The following FSTL5 variants were observed in gnomAD, a reference collection of about 807,000 sequenced individuals.
FSTL5 encodes follistatin-related protein 5.
Under a neutral mutation model 89.1 loss-of-function variants are expected in FSTL5, and 62 were observed. The ratio of observed to expected loss-of-function variants is 0.70; its 90% CI spans 0.57 to 0.86. FSTL5 has a LOEUF of 0.86. FSTL5 is among the 40% of genes least tolerant of loss of function. FSTL5 has a pLI of 0.00. For missense variants in FSTL5, 1,057 were observed against 1,001.6 expected (o/e 1.06, Z -0.75); for synonymous variants, 383 against 346.2 (o/e 1.11, Z -1.18).
chr4:162,037,996 A>C (rs1178976112), intron 2 of FSTL5, among the ~76,000 whole-genome samples: 2 of 151,980 alleles, frequency 1.3e-5, no homozygotes, highest in African/African-American at 4.8e-5. Flanking sequence ...GTGATTATTT[A>C]ACTATGTGAG....
chr4:161,402,943 G>A (rs4691757), intron 15 of FSTL5, among the ~76,000 whole-genome samples: 27 of 151,328 alleles, frequency 1.8e-4, no homozygotes, highest in African/African-American at 6.3e-4. Flanking sequence ...TGCCTCAGCC[G>A]CCCGAGTAGC....
intron 1 of FSTL5, among the ~76,000 whole-genome samples, chr4:162,158,023 A>G (rs1257162777): frequency 6.6e-6 from 1 of 152,132 alleles, no homozygotes; most frequent in Non-Finnish European, 1.5e-5. Flanking sequence ...CTGTGCCTCA[A>G]AGCTAATCAT....
chr4:161,433,349 T>G (rs1732447931), intron 15 of FSTL5, among the ~76,000 whole-genome samples: 1 of 151,944 alleles, frequency 6.6e-6, no homozygotes, highest in Non-Finnish European at 1.5e-5. Flanking sequence ...TTTGATAAAA[T>G]TCAATATCCC....
At chr4:161,993,446 C>T (rs2111084752) in intron 3 of FSTL5, among the ~76,000 whole-genome samples, 1 of 137,928 alleles carries the variant, frequency 7.3e-6, no homozygotes, top group Non-Finnish European at 1.7e-5. Context: ...ATGATTTTTA[C>T]TTTTGTATGA....
rs141944008 is a variant in FSTL5, at chr4:161,864,305, C to T, written c.409+56099G>A. ...GGCTTTGGGGTCAGGTGGATCAGGG[C>T]TTGAATCGCATCCCTGATTCTTAAA... On this transcript the variant is annotated intron_variant, in intron 4 of 15. Transcript: ENST00000306100. Among the ~76,000 whole-genome samples the T allele has an allele frequency of 2.9e-3, 444 of 152,166 alleles. 2 individuals are homozygous for T. Among genetic ancestry groups the T allele is most frequent in the African/African-American group, 0.01 (423 of 41,524 alleles).
chr4:161,468,375 A>C (rs182683414), intron 13 of FSTL5, among the ~76,000 whole-genome samples: 3 of 152,176 alleles, frequency 2.0e-5, no homozygotes, highest in African/African-American at 7.2e-5. Context: ...GAATGTATCA[A>C]GAGAAGGTTA....
chr4:162,079,270 C>A (rs567282993), intron 2 of FSTL5, among the ~76,000 whole-genome samples: 1 of 151,672 alleles, frequency 6.6e-6, no homozygotes, highest in Non-Finnish European at 1.5e-5. Context: ...TCTCAAGACG[C>A]ATCCCATAAG....
At position 161,612,801 on chromosome 4, in the gene FSTL5, T is replaced by C. The variant is rs572461060; in HGVS notation, c.895-25226A>G. On this transcript the variant is annotated intron_variant, in intron 7 of 15. Coordinates refer to ENST00000306100, the MANE Select transcript of FSTL5 (RefSeq NM_020116.5). ...GGGATACACAATAGAAACAATTATG[T>C]GATTCTTGTCTCAGAATTACCTTCT... Among the ~76,000 whole-genome samples, 10 of 152,304 alleles carry C rather than the reference T, an allele frequency of 6.6e-5. No homozygotes were observed. The South Asian group carries it at 2.1e-3, about 32-fold the overall frequency.
At chr4:161,804,608 A>G (rs1321597145) in intron 4 of FSTL5, among the ~76,000 whole-genome samples, 4 of 151,906 alleles carry the variant, frequency 2.6e-5, no homozygotes, top group Non-Finnish European at 5.9e-5. Context: ...ATGAATTTAT[A>G]TTACCTTTTA....
At chr4:162,012,739 GA>G (rs1736804034) in intron 3 of FSTL5, among the ~76,000 whole-genome samples, 1 of 152,142 alleles carries the variant, frequency 6.6e-6, no homozygotes, top group African/African-American at 2.4e-5. Context: ...CATGTTGAGA[GA>G]AAATCAAATA....
Position 161,885,414 on chromosome 4 carries a change from CA to C in FSTL5, c.409+34989del, listed in dbSNP as rs368308463. On this transcript the variant is annotated intron_variant, in intron 4 of 15. Transcript: ENST00000306100. Reference sequence around the variant, plus strand: ...ACAAAGAAGTGTATACATACAATGGCAAAAAAAAGCCTTACCATATCCATAT... The same window carrying C: ...ACAAAGAAGTGTATACATACAATGGCAAAAAAAGCCTTACCATATCCATAT... 3.3e-5 allele frequency among the ~76,000 whole-genome samples: 5 copies of C among 150,990 alleles called. No homozygotes were observed. The East Asian group carries it at 7.8e-4, about 24-fold the overall frequency.
intron 12 of FSTL5, among the ~76,000 whole-genome samples, chr4:161,489,137 T>C (rs1729781121): frequency 6.6e-6 from 1 of 152,138 alleles, no homozygotes; most frequent in Admixed American, 6.6e-5. Context: ...CTGTAGGGTG[T>C]TAAATTTCAA....
chr4:162,158,731 C>G (rs958166905), intron 1 of FSTL5, among the ~76,000 whole-genome samples: 3 of 151,974 alleles, frequency 2.0e-5, no homozygotes, highest in African/African-American at 7.2e-5. Context: ...TCAATCTTTA[C>G]AAAGCCATGC....
At chr4:162,005,529 G>A (rs1255936963) in intron 3 of FSTL5, among the ~76,000 whole-genome samples, 2 of 152,042 alleles carry the variant, frequency 1.3e-5, no homozygotes, top group South Asian at 2.1e-4. Context: ...CCAGTGAGAC[G>A]GGAATGGGAT....
intron 4 of FSTL5, among the ~76,000 whole-genome samples, chr4:161,862,775 G>A (rs542162840): frequency 3.3e-5 from 5 of 152,008 alleles, no homozygotes; most frequent in Admixed American, 6.6e-5. Flanking sequence ...AAAGAACCTG[G>A]AAATCCTCAA....
At chr4:162,118,776 A>T (rs899328235) in intron 1 of FSTL5, among the ~76,000 whole-genome samples, 1 of 152,140 alleles carries the variant, frequency 6.6e-6, no homozygotes, top group African/African-American at 2.4e-5. Flanking sequence ...TATACATCCT[A>T]CTAGATATAG....
Position 161,385,708 on chromosome 4 carries a change from T to C in FSTL5, c.*39A>G. ...TAAACAATGGATTAAGTGCAATGTA[T>C]TGTAAAACGCTTCATTCAATAATTG... On this transcript the variant is annotated 3_prime_UTR_variant, in exon 16 of 16. Coordinates refer to ENST00000306100, the MANE Select transcript of FSTL5 (RefSeq NM_020116.5). 1.5e-6 allele frequency: 2 copies of C among 1,367,798 alleles called. No individual in the cohort carries two copies. Among genetic ancestry groups the C allele is most frequent in the South Asian group, 1.4e-5 (1 of 72,754 alleles). 84.7% of individuals were successfully genotyped at this position (1,367,798 alleles called of 1,614,324 possible). A position where few individuals can be genotyped will look rare whatever the true frequency, so the allele number is the denominator to read the frequency against.
In FSTL5 at chr4:161,405,842, A is replaced by G. The variant is rs117492359; in HGVS notation, c.1842-19393T>C. 3.5e-3 allele frequency among the ~76,000 whole-genome samples: 527 copies of G among 152,320 alleles called. 13 individuals are homozygous for G. In the East Asian group the frequency reaches 0.054, roughly 16 times the overall value. ...AGATCCTAAATAAGATTAACAACACATTTATCACCAAAGGCCAGAAAGCAA... is the reference window on the plus strand; with the variant it reads ...AGATCCTAAATAAGATTAACAACACGTTTATCACCAAAGGCCAGAAAGCAA... On this transcript the variant is annotated intron_variant, in intron 15 of 15. Coordinates refer to ENST00000306100, the MANE Select transcript of FSTL5 (RefSeq NM_020116.5).
At chr4:161,484,800 T>C (rs144172231) in intron 12 of FSTL5, among the ~76,000 whole-genome samples, 1 of 152,330 alleles carries the variant, frequency 6.6e-6, no homozygotes, top group East Asian at 1.9e-4. Flanking sequence ...GAGAGAACGC[T>C]TGCTTTCAAG....
Sources: gnomAD v4.1 joint callset for allele counts (sites outside exome capture counted in the v4.1 genomes callset) on GRCh38, gnomAD v4.1.1 for gene constraint, MANE v1.5 for transcripts, NCBI Gene and HGNC (gene_info 2026-07-23, HGNC 2026-07-21) for gene names.